PTPRT: variants seen among roughly 807,000 people sequenced by gnomAD.
PTPRT encodes receptor-type tyrosine-protein phosphatase T.
PTPRT carries 56 observed loss-of-function variants against 176.8 expected under a neutral mutation model. The ratio of observed to expected loss-of-function variants is 0.32; its 90% CI spans 0.26 to 0.40. PTPRT has a LOEUF of 0.40. Among genes scored for constraint, PTPRT ranks in the 10% least tolerant of loss-of-function variants. PTPRT has a pLI of 1.00. For synonymous variants in PTPRT, 783 were observed against 739.0 expected, an observed-to-expected ratio of 1.06 and a Z score of -0.96; for missense variants, 1,540 against 1,908.2, an observed-to-expected ratio of 0.81 and a Z score of 3.60.
chr20:42,066,988 A>G, the PTPRT span, among the ~76,000 whole-genome samples: 1 of 152,128 alleles, frequency 6.6e-6, no homozygotes, highest in Non-Finnish European at 1.5e-5. Context: ...ACCTGATTTC[A>G]CAGGCAGGCA....
At chr20:42,368,748 A>G (rs2058547946) in intron 9 of PTPRT, among the ~76,000 whole-genome samples, 1 of 152,222 alleles carries the variant, frequency 6.6e-6, no homozygotes, top group Admixed American at 6.5e-5. Flanking sequence ...AATTTGCATG[A>G]AAGACTTTTG....
intron 11 of PTPRT, among the ~76,000 whole-genome samples, chr20:42,348,363 A>G (rs1400017153): frequency 1.1e-5 from 1 of 91,346 alleles, no homozygotes; most frequent in Non-Finnish European, 2.3e-5. Flanking sequence ...TTGAGCAGTG[A>G]CATTTCTTTT....
chr20:43,074,638 T>C (rs1239583119), intron 1 of PTPRT, among the ~76,000 whole-genome samples: 1 of 152,226 alleles, frequency 6.6e-6, no homozygotes, highest in East Asian at 1.9e-4. Flanking sequence ...CTAATGTCAG[T>C]CTGCTTTCCA....
chr20:42,761,434 CA>C (rs200687081), intron 5 of PTPRT, among the ~76,000 whole-genome samples: 25,205 of 137,482 alleles, frequency 0.18, 2,217 homozygotes, highest in African/African-American at 0.23. Flanking sequence ...AATTCCATCT[CA>C]AAAAAAAAAA....
At chr20:42,207,031 C>T (rs1281751264) in intron 15 of PTPRT, among the ~76,000 whole-genome samples, 2 of 152,308 alleles carry the variant, frequency 1.3e-5, no homozygotes, top group South Asian at 4.1e-4. Flanking sequence ...AGCAGGGGCA[C>T]ACTGACACCT....
chr20:43,042,910 T>C (rs1986678773), intron 1 of PTPRT, among the ~76,000 whole-genome samples: 1 of 152,150 alleles, frequency 6.6e-6, no homozygotes, highest in Non-Finnish European at 1.5e-5. Flanking sequence ...TCCTCCTATT[T>C]TGCCTGTACT....
intron 2 of PTPRT, among the ~76,000 whole-genome samples, chr20:42,869,197 C>T (rs2078802230): frequency 6.6e-6 from 1 of 152,090 alleles, no homozygotes; most frequent in Admixed American, 6.5e-5. Flanking sequence ...CTGCAGAGAA[C>T]CCCTATTAGG....
At chr20:42,667,410 C>G (rs1405244764) in intron 7 of PTPRT, among the ~76,000 whole-genome samples, 1 of 152,152 alleles carries the variant, frequency 6.6e-6, no homozygotes. Context: ...ACAGTAGATA[C>G]CCCTCAAATT....
At chr20:42,716,474 C>A (rs555274404) in intron 6 of PTPRT, among the ~76,000 whole-genome samples, 1 of 152,122 alleles carries the variant, frequency 6.6e-6, no homozygotes, top group Non-Finnish European at 1.5e-5. Flanking sequence ...CTCATTGTGG[C>A]TTTGATTTTC....
chr20:42,161,496 C>A lies in PTPRT; in HGVS notation c.2538G>T (p.Gln846His), dbSNP rs1989595358. ...GGTCACAGGTGCGGTAGGGATGAGT[C>A]TGGATCGTGAGGGTGGGCTGGGAAA... The part of the protein sequence containing the change: ...GELSQPTLTI[Q>H]THPYRTCDPV... The change falls in exon 17 of 31, where the codon CAG becomes CAT. Residue 846 changes from glutamine to histidine, a missense_variant. By Grantham distance (24) the Gln-to-His change is conservative (BLOSUM62 0). Transcript: ENST00000373187. 1 of 1,613,418 alleles carries A rather than the reference C, an allele frequency of 6.2e-7. No individual in the cohort carries two copies. Among genetic ancestry groups the A allele is most frequent in the Non-Finnish European group, 8.5e-7 (1 of 1,179,692 alleles).
chr20:42,577,508 C>T (rs971099357), intron 7 of PTPRT, among the ~76,000 whole-genome samples: 1 of 152,152 alleles, frequency 6.6e-6, no homozygotes, highest in Non-Finnish European at 1.5e-5. Flanking sequence ...GACCTGGATG[C>T]AACAGAGTAA....
chr20:42,162,883 C>T (rs761101647), intron 16 of PTPRT, among the ~76,000 whole-genome samples: 5 of 152,216 alleles, frequency 3.3e-5, no homozygotes, highest in East Asian at 1.9e-4. Context: ...GCAGCAGCAT[C>T]GGCAAGCCTG....
At chr20:42,055,601 T>C in the PTPRT span, among the ~76,000 whole-genome samples, 65 of 152,148 alleles carry the variant, frequency 4.3e-4, no homozygotes, top group African/African-American at 1.6e-3. Flanking sequence ...AACTATGGGG[T>C]GGAGGGGTCC....
intron 16 of PTPRT, among the ~76,000 whole-genome samples, chr20:42,176,184 A>T (rs2179336): frequency 0.59 from 89,843 of 151,952 alleles, 26,915 homozygotes; most frequent in African/African-American, 0.66. Context: ...TGTTAGGTAC[A>T]CCTTGCTCTC....
intron 17 of PTPRT, among the ~76,000 whole-genome samples, chr20:42,148,559 AG>A (rs1370429926): frequency 6.6e-6 from 1 of 152,024 alleles, no homozygotes; most frequent in Non-Finnish European, 1.5e-5. Context: ...GGGACTAGAT[AG>A]GGTGGTGTGG....
intron 26 of PTPRT, among the ~76,000 whole-genome samples, chr20:42,101,897 G>A (rs1326189011): frequency 1.3e-5 from 2 of 152,192 alleles, no homozygotes; most frequent in Non-Finnish European, 2.9e-5. Context: ...TACGCTTCTG[G>A]TCTATTCTTT....
At chr20:42,885,017 C>A (rs567798424) in intron 2 of PTPRT, among the ~76,000 whole-genome samples, 1 of 151,936 alleles carries the variant, frequency 6.6e-6, no homozygotes, top group South Asian at 2.1e-4. Flanking sequence ...GTGTACCTCA[C>A]AGGCCTGCCC....
rs970373276 is a variant in PTPRT, at chr20:42,756,475, C to T, written c.846G>A (p.Glu282=). ...GGAGGCACTCACCTTTCACGATCAG[C>T]TCCGCGTAGTTGGACACACCAGACC... ...DGGSGVSNYA[E]LIVKEPPTPI... The change falls in exon 6 of 31, where the codon GAG becomes GAA. Residue 282 remains glutamate (E), a synonymous_variant. Transcript: ENST00000373187. 3 of 1,578,850 alleles carry T rather than the reference C, an allele frequency of 1.9e-6. No homozygotes were observed. The East Asian group carries it at 6.8e-5, about 36-fold the overall frequency.
At position 42,652,674 on chromosome 20, in the gene PTPRT, C is replaced by A. The variant is rs1458773140; in HGVS notation, c.1153+25192G>T. Reference sequence around the variant, plus strand: ...GAAGACATTGATGCCTATGGTGCCTCTGATAGCAGGCCAAATCAAGGGCCT... The same window carrying A: ...GAAGACATTGATGCCTATGGTGCCTATGATAGCAGGCCAAATCAAGGGCCT... On this transcript the variant is annotated intron_variant, in intron 7 of 30. Coordinates refer to ENST00000373187, the MANE Select transcript of PTPRT (RefSeq NM_007050.6). Among the ~76,000 whole-genome samples, 3 of 152,152 alleles carry A rather than the reference C, an allele frequency of 2.0e-5. No homozygotes were observed. In the East Asian group the frequency reaches 5.8e-4, roughly 29 times the overall value.
Sources: allele counts gnomAD v4.1 joint callset (sites outside exome capture counted in the v4.1 genomes callset), GRCh38; gene constraint gnomAD v4.1.1; transcripts MANE v1.5; gene names NCBI Gene and HGNC (gene_info 2026-07-23, HGNC 2026-07-21).